The following RRN3 variants were observed in gnomAD, a reference collection of about 807,000 sequenced individuals.
The protein encoded by RRN3 is RNA polymerase I-specific transcription initiation factor RRN3.
A neutral mutation model predicts 82.3 loss-of-function variants in RRN3; 38 were observed. That is an observed-to-expected ratio of 0.46 (90% CI 0.36 to 0.61). The LOEUF is 0.61. RRN3 is among the 20% of genes least tolerant of loss of function. The probability of loss-of-function intolerance (pLI) is 0.00; values close to 1 mark genes in which losing one functional copy is unlikely to be tolerated. For synonymous variants in RRN3, 284 were observed against 284.3 expected (o/e 1.00, Z 0.01); for missense variants, 726 against 793.1 (o/e 0.92, Z 1.02).
chr16:15,086,725 C>A (rs1213302381), intron 3 of RRN3, among the ~76,000 whole-genome samples: 1 of 152,134 alleles, frequency 6.6e-6, no homozygotes, highest in Non-Finnish European at 1.5e-5. Flanking sequence ...CCTGAAAAAG[C>A]GAAATCACCT....
Position 15,074,719 on chromosome 16 carries a change from T to C in RRN3, c.997+4A>G. ...TTCAATAAACAGTAGCTACTGTGAT[T>C]TACCATCTACATAGCAGACATCCTT... On this transcript the variant is annotated splice_donor_region_variant and intron_variant, in intron 11 of 17. Transcript: ENST00000198767. 1.2e-6 allele frequency: 2 copies of C among 1,609,924 alleles called. No individual in the cohort carries two copies. The highest frequency in any genetic ancestry group is 2.2e-5 in the East Asian group (1 of 44,810).
intron 11 of RRN3, among the ~76,000 whole-genome samples, chr16:15,073,315 C>T (rs1293588226): frequency 6.6e-6 from 1 of 152,134 alleles, no homozygotes; most frequent in East Asian, 1.9e-4. Context: ...AAAAATTAGC[C>T]AGGCATGGTG....
intron 14 of RRN3, among the ~76,000 whole-genome samples, chr16:15,068,726 G>GT (rs1403910705): frequency 9.9e-5 from 15 of 152,032 alleles, no homozygotes; most frequent in Non-Finnish European, 1.5e-4. Context: ...GTCATCTGTA[G>GT]TTTTTTTTCT....
chr16:15,063,388 G>C, intron 16 of RRN3, 105 bp from the exon 17 acceptor site: 1 of 836,658 alleles, frequency 1.2e-6, no homozygotes, highest in Non-Finnish European at 2.1e-6. Context: ...ACCAAGAAGT[G>C]AAAACTACAG....
chr16:15,066,559 G>A (rs376813755), intron 15 of RRN3, among the ~76,000 whole-genome samples: 4 of 151,808 alleles, frequency 2.6e-5, no homozygotes, highest in Non-Finnish European at 5.9e-5. Context: ...CATGAGCCTC[G>A]GAGGTGGTGG....
At position 15,092,447 on chromosome 16, in the gene RRN3, T is replaced by A; in HGVS notation, c.195+62A>T. On this transcript the variant is annotated intron_variant, in intron 2 of 17. Transcript: ENST00000198767. Reference sequence around the variant, plus strand: ...TTGCTATTTCTATTGGTCTTTAGTATAACAGCAATAGTTGTATTCTGACCT... The same window carrying A: ...TTGCTATTTCTATTGGTCTTTAGTAAAACAGCAATAGTTGTATTCTGACCT... 3 of 972,656 alleles carry A rather than the reference T, an allele frequency of 3.1e-6. No individual in the cohort carries two copies. The South Asian group carries it at 4.0e-5, about 13-fold the overall frequency. 60.3% of individuals were successfully genotyped at this position (972,656 alleles called of 1,614,324 possible). A position where few individuals can be genotyped will look rare whatever the true frequency, so the allele number is the denominator to read the frequency against.
intron 16 of RRN3, among the ~76,000 whole-genome samples, 193 bp downstream of exon 16, chr16:15,065,026 C>T (rs1281043758): frequency 1.3e-5 from 2 of 152,010 alleles, no homozygotes; most frequent in African/African-American, 2.4e-5. Flanking sequence ...ATTAGCCAGG[C>T]GTGGCAGTGG....
In RRN3 at chr16:15,060,358, A is replaced by T. The variant is rs1170438587; in HGVS notation, c.*1386T>A. On this transcript the variant is annotated 3_prime_UTR_variant, in exon 18 of 18. Coordinates refer to ENST00000198767, the MANE Select transcript of RRN3 (RefSeq NM_018427.5). The stretch of plus-strand genomic sequence containing the variant: ...CCCATATCCAAAACTTTAAAGCAAT[A>T]AAAATTTCTATTTTCCAAAAAAGTA... 5.1e-6 allele frequency: 1 copy of T among 197,722 alleles called. No individual in the cohort carries two copies. Among genetic ancestry groups the T allele is most frequent in the Non-Finnish European group, 1.1e-5 (1 of 94,606 alleles). The allele number at this position is 197,722 out of a possible 1,614,324, so 12.2% of individuals were successfully genotyped here. A position where few individuals can be genotyped will look rare whatever the true frequency, so the allele number is the denominator to read the frequency against.
chr16:15,070,905 A>G (rs547979841), intron 13 of RRN3, among the ~76,000 whole-genome samples: 3 of 152,336 alleles, frequency 2.0e-5, no homozygotes, highest in African/African-American at 7.2e-5. Context: ...ACCAAAAGAG[A>G]TGACAAAAGC....
At chr16:15,071,362 A>G in intron 12 of RRN3, 111 bp from the exon 13 acceptor site, 5 of 989,108 alleles carry the variant, frequency 5.1e-6, no homozygotes, top group Non-Finnish European at 7.5e-6. Context: ...CTACTATCTC[A>G]TAACTATCTC....
intron 8 of RRN3, among the ~76,000 whole-genome samples, chr16:15,081,822 T>C (rs2045716508): frequency 6.6e-6 from 1 of 152,240 alleles, no homozygotes; most frequent in African/African-American, 2.4e-5. Flanking sequence ...AGGGCTTTTA[T>C]TGAGTTCATT....
At chr16:15,085,549 C>G (rs1028022648) in intron 6 of RRN3, 90 bp downstream of exon 6, 2 of 1,561,142 alleles carry the variant, frequency 1.3e-6, no homozygotes, top group Admixed American at 1.9e-5. Flanking sequence ...AACTCTTGGC[C>G]TCAAGTGATC....
intron 15 of RRN3, among the ~76,000 whole-genome samples, chr16:15,066,525 C>G (rs1185002499): frequency 6.6e-6 from 1 of 151,516 alleles, no homozygotes; most frequent in Non-Finnish European, 1.5e-5. Flanking sequence ...CCCAGCTATT[C>G]GGGAGGCTGA....
chr16:15,072,937 C>T lies in RRN3; in HGVS notation c.1128+13G>A, dbSNP rs748682187. The T allele has an allele frequency of 3.1e-6, 5 of 1,612,918 alleles. No homozygotes were observed. The highest frequency in any genetic ancestry group is 4.2e-6 in the Non-Finnish European group (5 of 1,179,700). On this transcript the variant is annotated intron_variant, in intron 12 of 17. Coordinates refer to ENST00000198767, the MANE Select transcript of RRN3 (RefSeq NM_018427.5). ...AAGTAAGCTAAGATAATGTTAATCACATTCTTACTCACCAATTTGAAACTA... is the reference window on the plus strand; with the variant it reads ...AAGTAAGCTAAGATAATGTTAATCATATTCTTACTCACCAATTTGAAACTA...
At chr16:15,064,631 A>C (rs2044876999) in intron 16 of RRN3, among the ~76,000 whole-genome samples, 2 of 152,244 alleles carry the variant, frequency 1.3e-5, no homozygotes, top group Non-Finnish European at 2.9e-5. Flanking sequence ...TTTAAATAAC[A>C]GTTTAAAGAA....
intron 15 of RRN3, 94 bp from the exon 16 acceptor site, chr16:15,065,465 A>G: frequency 9.7e-7 from 1 of 1,033,176 alleles, no homozygotes. Flanking sequence ...TACCTACCAC[A>G]GAGAAATTGC....
At chr16:15,089,550 C>A (rs1297706200) in intron 3 of RRN3, among the ~76,000 whole-genome samples, 1 of 152,120 alleles carries the variant, frequency 6.6e-6, no homozygotes, top group East Asian at 1.9e-4. Context: ...CCTCTAATCC[C>A]AGCACTTTGG....
At chr16:15,078,805 T>A (rs2045570458) in intron 9 of RRN3, among the ~76,000 whole-genome samples, 2 of 124,780 alleles carry the variant, frequency 1.6e-5, no homozygotes, top group Admixed American at 2.0e-4. Context: ...CCTCTTCGTA[T>A]TTTTTTCTTT....
chr16:15,082,204 T>C (rs2045736143), intron 8 of RRN3, among the ~76,000 whole-genome samples: 1 of 152,234 alleles, frequency 6.6e-6, no homozygotes, highest in Admixed American at 6.5e-5. Context: ...ATGAATATGA[T>C]GTTAGCTGTG....
Sources: allele counts gnomAD v4.1 joint callset (sites outside exome capture counted in the v4.1 genomes callset), GRCh38; gene constraint gnomAD v4.1.1; transcripts MANE v1.5; gene names NCBI Gene and HGNC (gene_info 2026-07-23, HGNC 2026-07-21).